Variants in PBX3 observed in about 807,000 individuals in gnomAD.
The protein encoded by PBX3 is PBX homeobox 3.
A neutral mutation model predicts 48.5 loss-of-function variants in PBX3; 14 were observed. The observed-to-expected ratio is 0.29, with a 90% CI of 0.19 to 0.45. PBX3 has a LOEUF of 0.45. PBX3 is among the 20% of genes least tolerant of loss of function. The pLI is 1.00. For missense variants in PBX3, 386 were observed against 546.7 expected (o/e 0.71, Z 2.93); for synonymous variants, 210 against 200.3 (o/e 1.05, Z -0.41).
chr9:125,821,846 G>A (rs149345595), intron 2 of PBX3, among the ~76,000 whole-genome samples: 3 of 152,012 alleles, frequency 2.0e-5, no homozygotes, highest in African/African-American at 7.2e-5. Flanking sequence ...CCCCTTAAAG[G>A]CTGCTAATGA....
chr9:125,966,259 A>G lies in PBX3; in HGVS notation c.*336A>G, dbSNP rs1344251993. Reference sequence around the variant, plus strand: ...TTACTTGGCCTTAAGGGTAAAAAGTACAATATACACTAAACCTCAACCGTT... The same window carrying G: ...TTACTTGGCCTTAAGGGTAAAAAGTGCAATATACACTAAACCTCAACCGTT... On this transcript the variant is annotated 3_prime_UTR_variant, in exon 9 of 9. Coordinates refer to ENST00000373489, the MANE Select transcript of PBX3 (RefSeq NM_006195.6). The G allele has an allele frequency of 1.6e-5, 3 of 184,144 alleles. No individual in the cohort carries two copies. Among genetic ancestry groups the G allele is most frequent in the African/African-American group, 7.1e-5 (3 of 42,454 alleles). The allele number at this position is 184,144 out of a possible 1,614,324, so 11.4% of individuals were successfully genotyped here.
At chr9:125,793,495 T>C (rs1837684306) in intron 2 of PBX3, among the ~76,000 whole-genome samples, 4 of 151,198 alleles carry the variant, frequency 2.6e-5, no homozygotes, top group African/African-American at 9.7e-5. Flanking sequence ...AGTGGCACGA[T>C]CTCAGCTCAC....
At chr9:125,789,425 C>T (rs1241726991) in intron 2 of PBX3, among the ~76,000 whole-genome samples, 1 of 152,200 alleles carries the variant, frequency 6.6e-6, no homozygotes, top group Non-Finnish European at 1.5e-5. Flanking sequence ...CCTCTCTGCT[C>T]ACTCACATGA....
intron 2 of PBX3, among the ~76,000 whole-genome samples, chr9:125,866,397 G>A (rs571674792): frequency 1.3e-5 from 2 of 152,298 alleles, no homozygotes; most frequent in African/African-American, 4.8e-5. Context: ...AACTAGAAGT[G>A]AAATCATTAA....
intron 2 of PBX3, among the ~76,000 whole-genome samples, chr9:125,804,917 A>AGGTCAGGCTGAGATCAT: frequency 6.8e-6 from 1 of 147,046 alleles, no homozygotes; most frequent in African/African-American, 2.5e-5. Context: ...ACTGCACTCC[A>AGGTCAGGCTGAGATCAT]GCCTGGGTGA....
intron 2 of PBX3, among the ~76,000 whole-genome samples, chr9:125,777,861 G>T (rs1451794265): frequency 1.3e-5 from 2 of 151,658 alleles, no homozygotes; most frequent in Non-Finnish European, 2.9e-5. Flanking sequence ...TAATTTGTTG[G>T]TATATAATTA....
rs116962416 is a variant in PBX3, at chr9:125,961,692, A to C, written c.1010-410A>C. ...GGAGGTATATGCATAGCGAAGAAAG[A>C]GCTCCTGGAAAAGTCTCTTCTCTGG... On this transcript the variant is annotated intron_variant, in intron 6 of 8. Coordinates refer to ENST00000373489, the MANE Select transcript of PBX3 (RefSeq NM_006195.6). Among the ~76,000 whole-genome samples the C allele has an allele frequency of 5.8e-4, 89 of 152,296 alleles. 1 individual carries two copies. The East Asian group carries it at 0.016, about 28-fold the overall frequency.
intron 2 of PBX3, among the ~76,000 whole-genome samples, chr9:125,760,125 T>G (rs1486907248): frequency 6.6e-6 from 1 of 152,226 alleles, no homozygotes; most frequent in African/African-American, 2.4e-5. Flanking sequence ...TGTTCTGCGT[T>G]GGGATCATTA....
At chr9:125,888,931 G>A (rs1216501719) in intron 2 of PBX3, among the ~76,000 whole-genome samples, 1 of 152,168 alleles carries the variant, frequency 6.6e-6, no homozygotes, top group African/African-American at 2.4e-5. Flanking sequence ...GGATGATTAT[G>A]AGTATGAAGT....
intron 5 of PBX3, among the ~76,000 whole-genome samples, chr9:125,951,973 G>C (rs1328861515): frequency 6.6e-6 from 1 of 152,158 alleles, no homozygotes; most frequent in African/African-American, 2.4e-5. Flanking sequence ...TTAAAAAATT[G>C]AACAGTATCT....
chr9:125,868,101 C>A (rs1259586662), intron 2 of PBX3, among the ~76,000 whole-genome samples: 1 of 151,842 alleles, frequency 6.6e-6, no homozygotes, highest in Admixed American at 6.6e-5. Flanking sequence ...TCTCAAACTC[C>A]TTAACTCAAG....
chr9:125,810,131 C>G (rs1838243902), intron 2 of PBX3, among the ~76,000 whole-genome samples: 1 of 152,172 alleles, frequency 6.6e-6, no homozygotes, highest in Admixed American at 6.5e-5. Flanking sequence ...TCTCAAACAT[C>G]TATTAGCTAC....
intron 2 of PBX3, among the ~76,000 whole-genome samples, chr9:125,785,889 G>A (rs1490075591): frequency 6.6e-6 from 1 of 151,658 alleles, no homozygotes. Flanking sequence ...GATGATACAA[G>A]GGAAAGTAAA....
At chr9:125,860,555 A>G (rs903080640) in intron 2 of PBX3, among the ~76,000 whole-genome samples, 9 of 152,204 alleles carry the variant, frequency 5.9e-5, no homozygotes, top group Admixed American at 3.3e-4. Context: ...ATTCCAGTGA[A>G]TAAAGATTAT....
intron 2 of PBX3, among the ~76,000 whole-genome samples, chr9:125,848,268 A>T (rs1010565561): frequency 2.0e-5 from 3 of 152,010 alleles, no homozygotes; most frequent in African/African-American, 7.2e-5. Context: ...AATCACCTCA[A>T]GGTATAGTCT....
chr9:125,785,914 C>T (rs1837445071), intron 2 of PBX3, among the ~76,000 whole-genome samples: 1 of 150,352 alleles, frequency 6.7e-6, no homozygotes, highest in Non-Finnish European at 1.5e-5. Context: ...TCACAAGACT[C>T]TCATTTTAAA....
intron 2 of PBX3, among the ~76,000 whole-genome samples, chr9:125,807,645 A>G (rs1838165650): frequency 6.6e-6 from 1 of 152,206 alleles, no homozygotes; most frequent in Admixed American, 6.5e-5. Flanking sequence ...TTTATGTATC[A>G]GTACCTGGTT....
intron 8 of PBX3, 34 bp from the exon 9 acceptor site, chr9:125,965,797 A>G (rs1171508086): frequency 2.0e-6 from 3 of 1,487,850 alleles, no homozygotes; most frequent in Admixed American, 3.3e-5. Flanking sequence ...TAATATGTAG[A>G]CGTGCACCCG....
chr9:125,921,067 A>G (rs1471872997), intron 3 of PBX3, among the ~76,000 whole-genome samples: 1 of 152,196 alleles, frequency 6.6e-6, no homozygotes, highest in African/African-American at 2.4e-5. Context: ...TTTCTTCTTA[A>G]TGGTTAAGCA....
Sources: allele counts gnomAD v4.1 joint callset (sites outside exome capture counted in the v4.1 genomes callset), GRCh38; gene constraint gnomAD v4.1.1; transcripts MANE v1.5; gene names NCBI Gene and HGNC (gene_info 2026-07-23, HGNC 2026-07-21).